Variants in ACVR1C observed in about 807,000 individuals in gnomAD.
The protein encoded by ACVR1C is activin A receptor type 1C, also known as activin receptor type-1C.
A neutral mutation model predicts 57.9 loss-of-function variants in ACVR1C; 23 were observed. The observed-to-expected ratio is 0.40, with a 90% CI of 0.29 to 0.56. The LOEUF (loss-of-function observed/expected upper bound fraction) is 0.56. Ranked by LOEUF, ACVR1C falls within the 20% of genes least tolerant of loss-of-function variation. The probability of loss-of-function intolerance (pLI) is 0.50; values close to 1 mark genes in which losing one functional copy is unlikely to be tolerated. For synonymous variants in ACVR1C, 214 were observed against 215.3 expected, an observed-to-expected ratio of 0.99 and a Z score of 0.05; for missense variants, 480 against 607.9, an observed-to-expected ratio of 0.79 and a Z score of 2.21.
Position 157,587,340 on chromosome 2 carries a change from T to C in ACVR1C, c.151A>G (p.Met51Val), listed in dbSNP as rs1420455920. Residue 51 changes from methionine (M) to valine (V), a missense_variant, in exon 2 of 9, where the codon ATG (methionine) becomes GTG (valine). Met to Val is a conservative substitution (Grantham distance 21). Transcript: ENST00000243349. ...QTEGACWASV[M>V]LTNGKEQVIK... ...ACCTGCTCTTTTCCATTGGTTAGCA[T>C]GACTGATGCCCAACATGCTCCTTCT... is the stretch of plus-strand genomic sequence containing the variant. 1.2e-6 allele frequency: 2 copies of C among 1,613,590 alleles called. No homozygotes were observed. Among genetic ancestry groups the C allele is most frequent in the Non-Finnish European group, 1.7e-6 (2 of 1,179,664 alleles).
intron 2 of ACVR1C, among the ~76,000 whole-genome samples, chr2:157,566,970 G>C (rs1573925677): frequency 8.8e-6 from 1 of 113,846 alleles, no homozygotes; most frequent in East Asian, 2.5e-4. Flanking sequence ...GTCCCTGTCT[G>C]ACAGCTTTGA....
intron 3 of ACVR1C, among the ~76,000 whole-genome samples, chr2:157,554,062 A>G (rs1046007921): frequency 6.6e-6 from 1 of 151,268 alleles, no homozygotes; most frequent in African/African-American, 2.4e-5. Flanking sequence ...GCACACCTGT[A>G]ATTCTAGCTA....
At chr2:157,542,983 T>A (rs988238407) in intron 5 of ACVR1C, 121 bp from the exon 6 acceptor site, 2 of 995,320 alleles carry the variant, frequency 2.0e-6, no homozygotes, top group Non-Finnish European at 2.9e-6. Context: ...AAAGCTCTTG[T>A]CACTATCTAA....
chr2:157,554,284 A>G (rs190282546), intron 3 of ACVR1C, among the ~76,000 whole-genome samples: 2,046 of 113,508 alleles, frequency 0.018, 64 homozygotes, highest in African/African-American at 0.042. Flanking sequence ...AGGAAGGAAG[A>G]GAGAGAGAGA....
intron 1 of ACVR1C, among the ~76,000 whole-genome samples, chr2:157,588,848 C>CATACATATAT (rs1688989819): frequency 1.1e-5 from 1 of 89,094 alleles, no homozygotes; most frequent in Non-Finnish European, 2.4e-5. Context: ...ACAAACACAC[C>CATACATATAT]ATATATATAT....
At chr2:157,593,837 T>C (rs1245814546) in intron 1 of ACVR1C, among the ~76,000 whole-genome samples, 1 of 152,134 alleles carries the variant, frequency 6.6e-6, no homozygotes, top group Non-Finnish European at 1.5e-5. Context: ...TAATAAAATA[T>C]GGGCAATATA....
chr2:157,554,268 A>AAAGAAAGAAAGGAAGAAAGG (rs1261113225), intron 3 of ACVR1C, among the ~76,000 whole-genome samples: 3 of 113,614 alleles, frequency 2.6e-5, no homozygotes, highest in South Asian at 5.6e-4. Flanking sequence ...AGAAAGAAAG[A>AAAGAAAGAAAGGAAGAAAGG]AAGGAAGGAA....
intron 2 of ACVR1C, among the ~76,000 whole-genome samples, chr2:157,559,445 G>A (rs931723933): frequency 2.6e-5 from 4 of 152,046 alleles, no homozygotes; most frequent in African/African-American, 7.2e-5. Flanking sequence ...TACATCCAGC[G>A]AATCAGGGTA....
chr2:157,579,560 T>C (rs915160994), intron 2 of ACVR1C, among the ~76,000 whole-genome samples: 1 of 152,226 alleles, frequency 6.6e-6, no homozygotes, highest in Non-Finnish European at 1.5e-5. Flanking sequence ...TCTTTACATT[T>C]GGAAAATATT....
intron 3 of ACVR1C, among the ~76,000 whole-genome samples, chr2:157,554,203 G>GAAAGAAAGAAAA (rs1573914919): frequency 2.1e-5 from 1 of 46,848 alleles, no homozygotes; most frequent in African/African-American, 1.2e-4. Context: ...AAAGAAGAGA[G>GAAAGAAAGAAAA]AAAGAAAGAA....
At chr2:157,577,010 G>A (rs1167228319) in intron 2 of ACVR1C, among the ~76,000 whole-genome samples, 1 of 95,000 alleles carries the variant, frequency 1.1e-5, no homozygotes, top group African/African-American at 4.7e-5. Context: ...GCCCGCCACC[G>A]CGCCCGGCTA....
chr2:157,627,121 A>C (rs1291520756), intron 1 of ACVR1C, among the ~76,000 whole-genome samples: 1 of 152,204 alleles, frequency 6.6e-6, no homozygotes, highest in Admixed American at 6.5e-5. Flanking sequence ...TGTGCAGCCA[A>C]GTTATCAGCT....
At chr2:157,587,054 A>T in intron 2 of ACVR1C, 133 bp downstream of exon 2, 6 of 830,396 alleles carry the variant, frequency 7.2e-6, no homozygotes, top group Non-Finnish European at 1.8e-6. Flanking sequence ...GAATTTTACC[A>T]GCCAAAATCA....
chr2:157,560,719 T>C (rs1688213982), intron 2 of ACVR1C, among the ~76,000 whole-genome samples: 1 of 152,226 alleles, frequency 6.6e-6, no homozygotes, highest in African/African-American at 2.4e-5. Flanking sequence ...ACCCTGCCTT[T>C]GTTCTCTGAA....
At chr2:157,581,416 G>A (rs1486096232) in intron 2 of ACVR1C, among the ~76,000 whole-genome samples, 2 of 152,092 alleles carry the variant, frequency 1.3e-5, no homozygotes, top group African/African-American at 2.4e-5. Context: ...GGAATTGTGA[G>A]GAGAATTGAG....
At chr2:157,622,197 A>C (rs1682791761) in intron 1 of ACVR1C, among the ~76,000 whole-genome samples, 1 of 152,200 alleles carries the variant, frequency 6.6e-6, no homozygotes, top group African/African-American at 2.4e-5. Context: ...AGACCAAAGC[A>C]ATGGAAAACC....
chr2:157,552,097 A>C (rs1687937306), intron 3 of ACVR1C, among the ~76,000 whole-genome samples: 1 of 152,172 alleles, frequency 6.6e-6, no homozygotes, highest in Admixed American at 6.5e-5. Flanking sequence ...TCTAGAAGCA[A>C]ACTATAAGAC....
intron 2 of ACVR1C, among the ~76,000 whole-genome samples, chr2:157,566,118 A>C (rs926034688): frequency 2.6e-5 from 4 of 152,360 alleles, no homozygotes; most frequent in Admixed American, 2.6e-4. Context: ...CAAATAATGC[A>C]TGTCTGTAAA....
At chr2:157,543,478 T>C (rs184007326) in intron 5 of ACVR1C, among the ~76,000 whole-genome samples, 95 of 152,370 alleles carry the variant, frequency 6.2e-4, no homozygotes, top group South Asian at 4.1e-3. Flanking sequence ...AAAGTTGTTA[T>C]ATTTAAAATA....
Sources: gnomAD v4.1 joint callset for allele counts (sites outside exome capture counted in the v4.1 genomes callset) on GRCh38, gnomAD v4.1.1 for gene constraint, MANE v1.5 for transcripts, NCBI Gene and HGNC (gene_info 2026-07-23, HGNC 2026-07-21) for gene names.